The following PRKCD variants were observed in gnomAD, a reference collection of about 807,000 sequenced individuals.
The protein encoded by PRKCD is protein kinase C delta.
In PRKCD, 20 loss-of-function variants were observed where a neutral mutation model predicts 82.2. The observed-to-expected ratio is 0.24, with a 90% CI of 0.17 to 0.35. The LOEUF is 0.35. PRKCD is among the 10% of genes least tolerant of loss of function. The pLI is 1.00. For missense variants in PRKCD, 607 were observed against 899.0 expected, an observed-to-expected ratio of 0.68 and a Z score of 4.15; for synonymous variants, 317 against 337.0, an observed-to-expected ratio of 0.94 and a Z score of 0.65.
In PRKCD at chr3:53,186,027, G is replaced by T. The variant is rs1553668957; in HGVS notation, c.1086G>T (p.Lys362Asn). 1.2e-6 allele frequency: 2 copies of T among 1,614,070 alleles called. No individual in the cohort carries two copies. The highest frequency in any genetic ancestry group is 1.7e-5 in the Admixed American group (1 of 60,014). ...TCCTGGGCAAAGGCAGCTTCGGGAA[G>T]GTGAGGGCTGTGAGCCGGGCACCTG... ...HKVLGKGSFG[K>N]VLLGELKGRG... Residue 362 changes from lysine (K) to asparagine (N), a missense_variant and splice_region_variant, in exon 12 of 19, where the codon AAG (lysine) becomes AAT (asparagine). Physicochemically the swap from Lys to Asn is moderately conservative, Grantham distance 94. Coordinates refer to ENST00000330452, the MANE Select transcript of PRKCD (RefSeq NM_006254.4).
At chr3:53,174,398 G>A (rs534816328) in intron 2 of PRKCD, among the ~76,000 whole-genome samples, 3 of 152,312 alleles carry the variant, frequency 2.0e-5, no homozygotes, top group East Asian at 3.9e-4. Context: ...GTGTGGGGTC[G>A]AGCCCCCGGC....
chr3:53,172,814 G>T (rs374910538), intron 2 of PRKCD, among the ~76,000 whole-genome samples: 1 of 152,072 alleles, frequency 6.6e-6, no homozygotes, highest in African/African-American at 2.4e-5. Flanking sequence ...ACACCTCCCC[G>T]CCAGCAGCCT....
At chr3:53,168,360 G>C (rs1702901234) in intron 2 of PRKCD, among the ~76,000 whole-genome samples, 1 of 152,238 alleles carries the variant, frequency 6.6e-6, no homozygotes, top group Middle Eastern at 3.2e-3. Flanking sequence ...TTCACTGTGT[G>C]GGGCCCAGAG....
rs782567850 is a variant in PRKCD, at chr3:53,189,171, C to G, written c.1668C>G (p.Leu556=). 7.4e-6 allele frequency: 12 copies of G among 1,614,172 alleles called. No homozygotes were observed. ...TCCATGGTGATGATGAGGATGAACTCTTCGAGTCCATCCGTGTGGACACGC... is the reference window on the plus strand; with the variant it reads ...TCCATGGTGATGATGAGGATGAACTGTTCGAGTCCATCCGTGTGGACACGC... ...SPFHGDDEDE[L]FESIRVDTPH... The change falls in exon 17 of 19, where the codon CTC becomes CTG. Residue 556 remains leucine (L), a synonymous_variant. Transcript: ENST00000330452.
chr3:53,182,833 G>C (rs76952459), intron 7 of PRKCD, among the ~76,000 whole-genome samples: 26 of 152,286 alleles, frequency 1.7e-4, no homozygotes, highest in African/African-American at 6.0e-4. Context: ...CTCATATTGC[G>C]ATGCCCTGTG....
intron 10 of PRKCD, 36 bp from the exon 11 acceptor site, chr3:53,185,568 T>A: frequency 6.4e-7 from 1 of 1,570,744 alleles, no homozygotes; most frequent in South Asian, 1.1e-5. Flanking sequence ...GATAATGGTC[T>A]GACCATCTGG....
intron 13 of PRKCD, 48 bp downstream of exon 13, chr3:53,186,388 A>C: frequency 6.2e-7 from 1 of 1,606,334 alleles, no homozygotes; most frequent in Non-Finnish European, 8.5e-7. Context: ...GCCATGTCCC[A>C]CAGCTCCTCA....
At chr3:53,183,312 A>G in intron 8 of PRKCD, 106 bp downstream of exon 8, 1 of 1,549,702 alleles carries the variant, frequency 6.5e-7, no homozygotes, top group Non-Finnish European at 8.8e-7. Flanking sequence ...CTCCCTCCCC[A>G]TTTTTCTTAG....
chr3:53,187,794 G>A (rs782726324), intron 15 of PRKCD, among the ~76,000 whole-genome samples: 3 of 152,180 alleles, frequency 2.0e-5, no homozygotes, highest in Non-Finnish European at 4.4e-5. Context: ...CTGAGGTCAG[G>A]CTCTGTATAC....
rs782290308 is a variant in PRKCD, at chr3:53,179,427, T to G, written c.116-150T>G. The G allele has an allele frequency of 1.3e-4, 130 of 973,024 alleles. 1 individual carries two copies. The highest frequency in any genetic ancestry group is 2.1e-4 in the Non-Finnish European group (125 of 604,844). 60.3% of individuals were successfully genotyped at this position (973,024 alleles called of 1,614,324 possible). A position where few individuals can be genotyped will look rare whatever the true frequency, so the allele number is the denominator to read the frequency against. On this transcript the variant is annotated intron_variant, in intron 3 of 18. Transcript: ENST00000330452. ...GGAGGACCTAGCAGGGTGCCCAAGG[T>G]AGTTCTGTGCTCTAGAGGACACTGG...
intron 10 of PRKCD, 95 bp downstream of exon 10, chr3:53,185,069 A>T (rs1703622551): frequency 9.8e-6 from 11 of 1,122,490 alleles, no homozygotes; most frequent in Non-Finnish European, 1.3e-6. Context: ...GACAGCCAGG[A>T]TATATTTAGA....
At chr3:53,174,686 G>C (rs1559619708) in intron 2 of PRKCD, among the ~76,000 whole-genome samples, 1 of 152,196 alleles carries the variant, frequency 6.6e-6, no homozygotes, top group Non-Finnish European at 1.5e-5. Context: ...GCTCTGGGTA[G>C]TACAAACAGG....
rs782214291 is a variant in PRKCD at position 53,179,728 on chromosome 3, G to A, written c.267G>A (p.Ser89=). ...EPVSEVTVGV[S]VLAERCKKNN... Reference sequence around the variant, plus strand: ...TGTCTGAGGTGACCGTGGGTGTGTCGGTGCTGGCCGAGCGCTGCAAGAAGA... The same window carrying A: ...TGTCTGAGGTGACCGTGGGTGTGTCAGTGCTGGCCGAGCGCTGCAAGAAGA... The change falls in exon 4 of 19, where the codon TCG becomes TCA. Residue 89 remains serine (S), a synonymous_variant. Transcript: ENST00000330452. The A allele has an allele frequency of 3.7e-5, 59 of 1,598,044 alleles. 1 individual carries two copies. In the Middle Eastern group the frequency reaches 2.8e-3, roughly 76 times the overall value.
rs1000694818 is a variant in PRKCD at position 53,170,094 on chromosome 3, A to C, written c.-20+4879A>C. On this transcript the variant is annotated intron_variant, in intron 2 of 18. Coordinates refer to ENST00000330452, the MANE Select transcript of PRKCD (RefSeq NM_006254.4). ...TTAGGTGGCCATCTTGCCTTCTCCCAAACACAAAACGATTGTTTCCAATGG... is the reference window on the plus strand; with the variant it reads ...TTAGGTGGCCATCTTGCCTTCTCCCCAACACAAAACGATTGTTTCCAATGG... Among the ~76,000 whole-genome samples, 13 of 152,340 alleles carry C rather than the reference A, an allele frequency of 8.5e-5. No individual in the cohort carries two copies. In the East Asian group the frequency reaches 2.5e-3, roughly 29 times the overall value.
chr3:53,178,306 C>T, intron 2 of PRKCD, 98 bp from the exon 3 acceptor site: 1 of 693,608 alleles, frequency 1.4e-6, no homozygotes, highest in Non-Finnish European at 2.4e-6. Flanking sequence ...CAAACCCAAT[C>T]ATAGCAGAGC....
rs35181307 is a variant in PRKCD at position 53,186,324 on chromosome 3, G to A, written c.1244G>A (p.Cys415Tyr). The A allele has an allele frequency of 6.7e-5, 108 of 1,613,962 alleles. No homozygotes were observed. In the African/African-American group the frequency reaches 1.3e-3, roughly 19 times the overall value. The change falls in exon 13 of 19, where the codon TGC becomes TAC. Residue 415 changes from cysteine (C) to tyrosine (Y), a missense_variant. By Grantham distance (194) the Cys-to-Tyr change is radical. This residue lies in a region of PRKCD where 251 missense variants were observed against 423.9 expected (regional missense o/e 0.59). Transcript: ENST00000330452. ...AATCCCTTTCTCACCCACCTCATCTGCACCTTCCAGACCAAGGTGCCCGGG... is the reference window on the plus strand; with the variant it reads ...AATCCCTTTCTCACCCACCTCATCTACACCTTCCAGACCAAGGTGCCCGGG... ...AENPFLTHLI[C>Y]TFQTKDHLFF...
At chr3:53,166,860 A>C (rs3773732) in intron 2 of PRKCD, among the ~76,000 whole-genome samples, 1 of 152,140 alleles carries the variant, frequency 6.6e-6, no homozygotes, top group Non-Finnish European at 1.5e-5. Context: ...AGGGATTGGC[A>C]TGGGAGATGG....
intron 9 of PRKCD, among the ~76,000 whole-genome samples, chr3:53,184,252 G>A (rs1324859688): frequency 2.0e-5 from 3 of 151,102 alleles, no homozygotes; most frequent in South Asian, 2.1e-4. Context: ...GGAGAATGGC[G>A]TGAACCCAGG....
chr3:53,169,392 C>T lies in PRKCD; in HGVS notation c.-20+4177C>T, dbSNP rs1469285938. 1.3e-5 allele frequency among the ~76,000 whole-genome samples: 2 copies of T among 152,084 alleles called. No homozygotes were observed. The highest frequency in any genetic ancestry group is 2.9e-5 in the Non-Finnish European group (2 of 68,004). On this transcript the variant is annotated intron_variant, in intron 2 of 18. Coordinates refer to ENST00000330452, the MANE Select transcript of PRKCD (RefSeq NM_006254.4). The surrounding 1 kb of genome is among the most constrained non-coding windows in gnomAD (Gnocchi z 4.7). Reference sequence around the variant, plus strand: ...GGTGGGGGAGCATTTGAGAGGCCCACGAACAGGACTGGGATGGCTGTCCCT... The same window carrying T: ...GGTGGGGGAGCATTTGAGAGGCCCATGAACAGGACTGGGATGGCTGTCCCT...
Sources: gnomAD v4.1 joint callset for allele counts (sites outside exome capture counted in the v4.1 genomes callset) on GRCh38, gnomAD v4.1.1 for gene constraint, gnomAD v4.1.1 regional missense constraint, Gnocchi (gnomAD v3.1) non-coding constraint, MANE v1.5 for transcripts, NCBI Gene and HGNC (gene_info 2026-07-23, HGNC 2026-07-21) for gene names.